The following EML5 variants were observed in gnomAD, a reference collection of about 807,000 sequenced individuals.
EML5 encodes EMAP like 5.
Under a neutral mutation model 250.0 loss-of-function variants are expected in EML5, and 120 were observed. That is an observed-to-expected ratio of 0.48 (90% CI 0.41 to 0.56). EML5 has a LOEUF of 0.56. Ranked by LOEUF, EML5 falls within the 20% of genes least tolerant of loss-of-function variation. The pLI is 0.00. For missense variants in EML5, 2,006 were observed against 2,437.6 expected (o/e 0.82, Z 3.73); for synonymous variants, 771 against 806.5 (o/e 0.96, Z 0.75).
rs2087534239 is a variant in EML5, at chr14:88,615,908, AAC to A, written c.5898-56_5898-55del. 54 of 1,565,652 alleles carry A rather than the reference AAC, an allele frequency of 3.4e-5. 1 individual carries two copies. The South Asian group carries it at 5.3e-4, about 15-fold the overall frequency. On this transcript the variant is annotated intron_variant, in intron 43 of 43. Transcript: ENST00000554922. ...GTTAATTATGTTTTTAGATTTTCATAACAGTTTAATATTTTTCAGTTGTGCTT... is the reference window on the plus strand; with the variant it reads ...GTTAATTATGTTTTTAGATTTTCATAAGTTTAATATTTTTCAGTTGTGCTT...
At chr14:88,763,804 G>A (rs1382578971) in intron 1 of EML5, among the ~76,000 whole-genome samples, 1 of 152,140 alleles carries the variant, frequency 6.6e-6, no homozygotes, top group South Asian at 2.1e-4. Flanking sequence ...TAGACACTCT[G>A]GTCTTTTTCC....
intron 13 of EML5, among the ~76,000 whole-genome samples, chr14:88,704,450 T>C (rs2093277552): frequency 1.3e-5 from 2 of 152,130 alleles, no homozygotes; most frequent in Admixed American, 1.3e-4. Context: ...GGTATTCCTT[T>C]ATAGCAATGT....
At chr14:88,706,497 A>G in intron 10 of EML5, 71 bp from the exon 11 acceptor site, 2 of 1,158,860 alleles carry the variant, frequency 1.7e-6, no homozygotes, top group Non-Finnish European at 1.2e-6. Context: ...CAATTTTTAT[A>G]TATGAACCAC....
At chr14:88,787,023 T>A (rs2140859865) in intron 1 of EML5, among the ~76,000 whole-genome samples, 1 of 152,184 alleles carries the variant, frequency 6.6e-6, no homozygotes, top group Non-Finnish European at 1.5e-5. Context: ...AAGCCAAGAG[T>A]AAATGGGAGA....
Position 88,702,589 on chromosome 14 carries a change from T to C in EML5, c.2095A>G (p.Ile699Val). Reference sequence around the variant, plus strand: ...GCCACATGGTACACAATTTCACCAATTTGAGTATAAAACAGATTACTTCGA... The same window carrying C: ...GCCACATGGTACACAATTTCACCAACTTGAGTATAAAACAGATTACTTCGA... Reference protein sequence around the residue: ...DCRSNLFYTQIGEIVYHVAAV... With the variant: ...DCRSNLFYTQVGEIVYHVAAV... Residue 699 changes from isoleucine to valine, a missense_variant, in exon 14 of 44, where the codon ATT (isoleucine) becomes GTT (valine). Around this residue, in one of 7 missense-constraint regions of EML5, gnomAD observed 1,375 missense variants for 1,590.3 expected, o/e 0.86. Transcript: ENST00000554922. The C allele has an allele frequency of 5.0e-6, 8 of 1,610,068 alleles. No homozygotes were observed. The highest frequency in any genetic ancestry group is 6.8e-6 in the Non-Finnish European group (8 of 1,177,972).
intron 14 of EML5, among the ~76,000 whole-genome samples, chr14:88,699,300 A>G (rs2093154144): frequency 1.3e-5 from 2 of 152,130 alleles, no homozygotes; most frequent in Admixed American, 1.3e-4. Context: ...AGGCAAAAAA[A>G]TAGTTTACAA....
chr14:88,628,700 T>C (rs1339829323), intron 33 of EML5, among the ~76,000 whole-genome samples: 1 of 152,016 alleles, frequency 6.6e-6, no homozygotes, highest in African/African-American at 2.4e-5. Flanking sequence ...CTTAAATCAT[T>C]CAATGCAGAA....
chr14:88,751,351 G>C (rs151176067), intron 2 of EML5, among the ~76,000 whole-genome samples: 1 of 152,260 alleles, frequency 6.6e-6, no homozygotes, highest in Non-Finnish European at 1.5e-5. Flanking sequence ...TTGTAGAAAA[G>C]TAATAGTACA....
chr14:88,768,391 C>A (rs1450299694), intron 1 of EML5, among the ~76,000 whole-genome samples: 1 of 151,660 alleles, frequency 6.6e-6, no homozygotes, highest in Non-Finnish European at 1.5e-5. Flanking sequence ...ACATTTACTA[C>A]TAAAATATTT....
At chr14:88,616,968 G>A in intron 41 of EML5, 89 bp from the exon 42 acceptor site, 6 of 1,257,970 alleles carry the variant, frequency 4.8e-6, no homozygotes, top group Admixed American at 2.0e-5. Context: ...TAATCTCTAA[G>A]TACCCTATCA....
At chr14:88,717,844 A>C (rs1365332996) in intron 8 of EML5, among the ~76,000 whole-genome samples, 1 of 152,238 alleles carries the variant, frequency 6.6e-6, no homozygotes, top group African/African-American at 2.4e-5. Flanking sequence ...GTTACTGCAG[A>C]TGATGGTTTC....
intron 27 of EML5, among the ~76,000 whole-genome samples, chr14:88,651,813 AC>A (rs1261325822): frequency 6.6e-6 from 1 of 152,190 alleles, no homozygotes; most frequent in Non-Finnish European, 1.5e-5. Context: ...TTAAGTATTT[AC>A]CAGGTATCTC....
At chr14:88,689,312 T>C (rs2092906342) in intron 17 of EML5, among the ~76,000 whole-genome samples, 2 of 147,630 alleles carry the variant, frequency 1.4e-5, no homozygotes, top group Admixed American at 1.4e-4. Context: ...CCAAACTGTT[T>C]TCCGAAGTTT....
chr14:88,712,910 A>G (rs1056825232), intron 9 of EML5, among the ~76,000 whole-genome samples: 1 of 152,194 alleles, frequency 6.6e-6, no homozygotes, highest in Non-Finnish European at 1.5e-5. Flanking sequence ...GACCAAGAAG[A>G]AAGGATGAGT....
rs187895473 is a variant in EML5 at position 88,754,374 on chromosome 14, C to A, written c.357+138G>T. 2.2e-4 allele frequency: 152 copies of A among 682,158 alleles called. No individual in the cohort carries two copies. In the African/African-American group the frequency reaches 2.5e-3, roughly 11 times the overall value. The allele number at this position is 682,158 out of a possible 1,614,324, so 42.3% of individuals were successfully genotyped here. On this transcript the variant is annotated intron_variant, in intron 2 of 43. Coordinates refer to ENST00000554922, the MANE Select transcript of EML5 (RefSeq NM_183387.3). ...AAACCCCATTGTTATATATCAACCT[C>A]CCACCCCACCTACCCACCTCCACCT...
At chr14:88,640,629 C>G (rs1005478061) in intron 31 of EML5, among the ~76,000 whole-genome samples, 1 of 152,106 alleles carries the variant, frequency 6.6e-6, no homozygotes, top group Admixed American at 6.6e-5. Context: ...AATTAACAAT[C>G]TAACATCACA....
chr14:88,696,941 A>C lies in EML5; in HGVS notation c.2250T>G (p.Asp750Glu). 1 of 1,585,448 alleles carries C rather than the reference A, an allele frequency of 6.3e-7. No individual in the cohort carries two copies. The highest frequency in any genetic ancestry group is 8.6e-7 in the Non-Finnish European group (1 of 1,165,082). ...DYVATGQVGRDPSIHIWDTET... is the reference protein window; with the variant it reads ...DYVATGQVGREPSIHIWDTET... Reference sequence around the variant, plus strand: ...CTGTATCCCATATATGAATTGAGGGATCTCTACCAACCTAAAATAGAATTA... The same window carrying C: ...CTGTATCCCATATATGAATTGAGGGCTCTCTACCAACCTAAAATAGAATTA... Residue 750 changes from aspartate (D) to glutamate (E), a missense_variant, in exon 15 of 44, where the codon GAT (aspartate) becomes GAG (glutamate). Physicochemically the swap from Asp to Glu is conservative, Grantham distance 45. Around this residue, in one of 7 missense-constraint regions of EML5, gnomAD observed 1,375 missense variants for 1,590.3 expected, o/e 0.86. Transcript: ENST00000554922.
intron 24 of EML5, among the ~76,000 whole-genome samples, chr14:88,662,681 TATAGGCAC>T (rs2140959604): frequency 6.6e-6 from 1 of 152,010 alleles, no homozygotes; most frequent in East Asian, 1.9e-4. Flanking sequence ...TAACTGGGAC[TATAGGCAC>T]ATGCCACCAT....
At chr14:88,621,953 C>T in intron 37 of EML5, 1 of 449,824 alleles carries the variant, frequency 2.2e-6, no homozygotes, top group Non-Finnish European at 4.5e-6. Flanking sequence ...TCCTACAGTA[C>T]TACAGAATAC....
Sources: allele counts gnomAD v4.1 joint callset (sites outside exome capture counted in the v4.1 genomes callset), GRCh38; gene constraint gnomAD v4.1.1; regional missense constraint gnomAD v4.1.1; transcripts MANE v1.5; gene names NCBI Gene and HGNC (gene_info 2026-07-23, HGNC 2026-07-21).